The following EPG5 variants were observed in gnomAD, a reference collection of about 807,000 sequenced individuals.
The protein encoded by EPG5 is ectopic P-granules 5 autophagy tethering factor.
A neutral mutation model predicts 302.7 loss-of-function variants in EPG5; 159 were observed. That is an observed-to-expected ratio of 0.53 (90% CI 0.46 to 0.60). The LOEUF is 0.60. Ranked by LOEUF, EPG5 falls within the 20% of genes least tolerant of loss-of-function variation. The pLI is 0.00. For missense variants in EPG5, 2,896 were observed against 3,092.4 expected, an observed-to-expected ratio of 0.94 and a Z score of 1.51; for synonymous variants, 1,158 against 1,136.8, an observed-to-expected ratio of 1.02 and a Z score of -0.37.
At chr18:45,952,689 C>G (rs192143414) in intron 2 of EPG5, 46 bp from the exon 3 acceptor site, 100 of 1,599,412 alleles carry the variant, frequency 6.3e-5, no homozygotes, top group Non-Finnish European at 6.8e-5. Flanking sequence ...TTACTCTTTC[C>G]ATTTGAAGTA....
intron 1 of EPG5, among the ~76,000 whole-genome samples, chr18:45,966,737 T>G (rs1200617317): frequency 2.0e-5 from 3 of 152,210 alleles, no homozygotes; most frequent in Non-Finnish European, 1.5e-5. Flanking sequence ...AGTCTACTTA[T>G]AAAGTTCTGC....
intron 29 of EPG5, among the ~76,000 whole-genome samples, chr18:45,886,325 G>A (rs567412325): frequency 1.3e-5 from 2 of 152,260 alleles, no homozygotes; most frequent in East Asian, 1.9e-4. Flanking sequence ...TCAACACACT[G>A]TAATAAATCT....
At chr18:45,817,777 C>T in the EPG5 span, among the ~76,000 whole-genome samples, 4 of 152,158 alleles carry the variant, frequency 2.6e-5, no homozygotes, top group South Asian at 6.2e-4. Flanking sequence ...GCCACATTGA[C>T]GTTTATGATA....
intron 43 of EPG5, among the ~76,000 whole-genome samples, chr18:45,853,468 TGAG>T (rs2048455038): frequency 6.6e-6 from 1 of 152,072 alleles, no homozygotes; most frequent in Non-Finnish European, 1.5e-5. Context: ...ATTTTTGGGG[TGAG>T]GAGTTTTGTT....
At chr18:45,866,075 T>TATCGA (rs1164101984) in intron 38 of EPG5, among the ~76,000 whole-genome samples, 9 of 151,934 alleles carry the variant, frequency 5.9e-5, no homozygotes, top group African/African-American at 1.7e-4. Context: ...TTATGTTCAT[T>TATCGA]ATCGAATTCA....
chr18:45,808,956 A>G, the EPG5 span, among the ~76,000 whole-genome samples: 1 of 152,188 alleles, frequency 6.6e-6, no homozygotes, highest in Non-Finnish European at 1.5e-5. Context: ...CAGAGTAGAT[A>G]AGAATTCACC....
the EPG5 span, among the ~76,000 whole-genome samples, chr18:45,805,388 T>C: frequency 4.8e-5 from 7 of 145,150 alleles, no homozygotes; most frequent in Non-Finnish European, 7.5e-5. Flanking sequence ...AACTTTTATG[T>C]AAATCTAAAA....
the EPG5 span, among the ~76,000 whole-genome samples, chr18:45,827,138 A>C: frequency 6.6e-6 from 1 of 151,988 alleles, no homozygotes; most frequent in Non-Finnish European, 1.5e-5. Context: ...CTGGTCTCGA[A>C]CTCCTGACCT....
chr18:45,962,519 G>C (rs2051172212), intron 1 of EPG5, among the ~76,000 whole-genome samples: 1 of 152,202 alleles, frequency 6.6e-6, no homozygotes, highest in South Asian at 2.1e-4. Context: ...TTTTATAGCA[G>C]AGAATGACAC....
At chr18:45,889,054 CTT>C (rs953491499) in intron 28 of EPG5, among the ~76,000 whole-genome samples, 19 of 152,182 alleles carry the variant, frequency 1.2e-4, no homozygotes, top group African/African-American at 3.1e-4. Flanking sequence ...ACATCAACCT[CTT>C]GTTTGCCTGG....
At chr18:45,900,318 C>T (rs557692306) in intron 26 of EPG5, among the ~76,000 whole-genome samples, 2 of 148,728 alleles carry the variant, frequency 1.3e-5, no homozygotes, top group South Asian at 2.1e-4. Context: ...AGGAGAATGG[C>T]GTGAACTCGG....
At chr18:45,916,335 A>G (rs2050032059) in intron 18 of EPG5, 103 bp downstream of exon 18, 1 of 1,535,158 alleles carries the variant, frequency 6.5e-7, no homozygotes, top group Admixed American at 1.9e-5. Flanking sequence ...AAAGCACACT[A>G]AGCCAAGTGA....
the EPG5 span, among the ~76,000 whole-genome samples, chr18:45,830,752 ATTTTTTTTT>A: frequency 3.4e-5 from 4 of 118,140 alleles, no homozygotes; most frequent in Admixed American, 1.8e-4. Flanking sequence ...TGCCAGGCTA[ATTTTTTTTT>A]TTTTTTTTTT....
the EPG5 span, among the ~76,000 whole-genome samples, chr18:45,834,059 C>T: frequency 1.5e-4 from 23 of 152,302 alleles, no homozygotes; most frequent in Admixed American, 4.6e-4. Flanking sequence ...GATGTCCACG[C>T]CTTGTGGCTT....
chr18:45,842,440 TGTGAGA>T, the EPG5 span: 6 of 456,576 alleles, frequency 1.3e-5, no homozygotes, highest in South Asian at 6.4e-5. Context: ...TGTGTGTGTG[TGTGAGA>T]GAGAGAGAGA....
intron 5 of EPG5, among the ~76,000 whole-genome samples, chr18:45,948,958 GGCTCCTGCAAATTCTAAGTGGTT>G (rs1460792423): frequency 6.6e-6 from 1 of 152,184 alleles, no homozygotes; most frequent in African/African-American, 2.4e-5. Context: ...CAAACATTTT[GGCTCCTGCAAATTCTAAGTGGTT>G]GCTATGAGTA....
chr18:45,894,291 C>T (rs1369037326), intron 27 of EPG5, among the ~76,000 whole-genome samples: 2 of 152,120 alleles, frequency 1.3e-5, no homozygotes, highest in South Asian at 2.1e-4. Flanking sequence ...GAAACCTCAT[C>T]GCTACTAAAA....
At position 45,928,870 on chromosome 18, in the gene EPG5, A is replaced by G; in HGVS notation, c.2552T>C (p.Met851Thr). 6.2e-7 allele frequency: 1 copy of G among 1,612,034 alleles called. No homozygotes were observed. The highest frequency in any genetic ancestry group is 1.1e-5 in the South Asian group (1 of 90,568). ...RVQETIDQVG[M>T]VSLYLFKELP... ...AACAAACAAAATCAGTGCTCTTACCATTCCAACCTGGTCAATGGTCTCTTG... is the reference window on the plus strand; with the variant it reads ...AACAAACAAAATCAGTGCTCTTACCGTTCCAACCTGGTCAATGGTCTCTTG... The change falls in exon 13 of 44, where the codon ATG becomes ACG. Residue 851 changes from methionine (M) to threonine (T), a missense_variant and splice_region_variant. Physicochemically the swap from Met to Thr is moderately conservative, Grantham distance 81. Coordinates refer to ENST00000282041, the MANE Select transcript of EPG5 (RefSeq NM_020964.3).
intron 27 of EPG5, among the ~76,000 whole-genome samples, chr18:45,894,265 G>C (rs2049419289): frequency 6.6e-6 from 1 of 152,074 alleles, no homozygotes; most frequent in African/African-American, 2.4e-5. Flanking sequence ...TTCAAGACCA[G>C]CCTGGCCAAC....
Sources: gnomAD v4.1 joint callset for allele counts (sites outside exome capture counted in the v4.1 genomes callset) on GRCh38, gnomAD v4.1.1 for gene constraint, MANE v1.5 for transcripts, NCBI Gene and HGNC (gene_info 2026-07-23, HGNC 2026-07-21) for gene names.